The following ICAM1 variants were observed in gnomAD, a reference collection of about 807,000 sequenced individuals.
The protein encoded by ICAM1 is ICAM-1.
A neutral mutation model predicts 42.3 loss-of-function variants in ICAM1; 28 were observed. The ratio of observed to expected loss-of-function variants is 0.66; its 90% CI spans 0.49 to 0.91. The LOEUF is 0.91. ICAM1 is among the 40% of genes least tolerant of loss of function. The pLI is 0.00. For synonymous variants in ICAM1, 304 were observed against 305.9 expected (o/e 0.99, Z 0.07); for missense variants, 637 against 688.6 (o/e 0.93, Z 0.84).
At chr19:10,273,048 A>T (rs996467326) in intron 1 of ICAM1, among the ~76,000 whole-genome samples, 1 of 151,998 alleles carries the variant, frequency 6.6e-6, no homozygotes, top group South Asian at 2.1e-4. Context: ...CTTAGGAGGG[A>T]GGAGGGCACC....
chr19:10,274,651 G>A, intron 1 of ICAM1, 114 bp from the exon 2 acceptor site: 1 of 1,212,638 alleles, frequency 8.2e-7, no homozygotes, highest in East Asian at 2.4e-5. Flanking sequence ...CACATCGAAG[G>A]CAAAGTATTG....
chr19:10,276,138 G>A (rs576409786), intron 2 of ICAM1, among the ~76,000 whole-genome samples: 244 of 151,036 alleles, frequency 1.6e-3, no homozygotes, highest in Non-Finnish European at 2.9e-3. Flanking sequence ...AATCCTAGGA[G>A]TTCGAATCCA....
rs749524458 is a variant in ICAM1, at chr19:10,285,133, T to A, written c.1445T>A (p.Val482Asp). ...CCCACAGCCCCCCGGTATGAGATTG[T>A]CATCATCACTGTGGTAGCAGCCGCA... is the stretch of plus-strand genomic sequence containing the variant. ...VNVLSPRYEI[V>D]IITVVAAAVI... is the part of the protein sequence containing the mutation. Residue 482 changes from valine to aspartate, a missense_variant, in exon 7 of 7, where the codon GTC becomes GAC. Physicochemically the swap from Val to Asp is radical, Grantham distance 152. Transcript: ENST00000264832. The A allele has an allele frequency of 1.9e-6, 3 of 1,613,928 alleles. No individual in the cohort carries two copies. In the African/African-American group the frequency reaches 4.0e-5, roughly 22 times the overall value.
Position 10,274,894 on chromosome 19 carries a change from A to C in ICAM1, c.197A>C (p.Lys66Thr). The C allele has an allele frequency of 6.2e-7, 1 of 1,614,228 alleles. No individual in the cohort carries two copies. The highest frequency in any genetic ancestry group is 8.5e-7 in the Non-Finnish European group (1 of 1,180,038). ...KLLGIETPLP[K>T]KELLLPGNNR... Reference sequence around the variant, plus strand: ...TTGGGCATAGAGACCCCGTTGCCTAAAAAGGAGTTGCTCCTGCCTGGGAAC... The same window carrying C: ...TTGGGCATAGAGACCCCGTTGCCTACAAAGGAGTTGCTCCTGCCTGGGAAC... Residue 66 changes from lysine to threonine, a missense_variant, in exon 2 of 7, where the codon AAA becomes ACA. By Grantham distance (78) the Lys-to-Thr change is moderately conservative. Transcript: ENST00000264832.
chr19:10,281,900 C>T (rs1327598022), intron 2 of ICAM1, among the ~76,000 whole-genome samples: 4 of 151,962 alleles, frequency 2.6e-5, no homozygotes, highest in Admixed American at 2.6e-4. Context: ...AACACCACGC[C>T]TGGCTAATTT....
intron 2 of ICAM1, 37 bp downstream of exon 2, chr19:10,275,065 C>G (rs200796350): frequency 1.4e-4 from 218 of 1,603,532 alleles, no homozygotes; most frequent in Non-Finnish European, 1.7e-4. Flanking sequence ...ACTAGGCAGA[C>G]CCGGTGGGAG....
chr19:10,280,329 ATATATT>A lies in ICAM1; in HGVS notation c.332-3150_332-3145del, dbSNP rs955099507. 3.9e-5 allele frequency among the ~76,000 whole-genome samples: 6 copies of A among 152,022 alleles called. No homozygotes were observed. The East Asian group carries it at 1.2e-3, about 29-fold the overall frequency. On this transcript the variant is annotated intron_variant, in intron 2 of 6. Transcript: ENST00000264832. ...TCAGAGTTTTCTTGACTATATATAT[ATATATT>A]TTTTTGTTTTTGTTTTTAACAGCTT...
At position 10,283,755 on chromosome 19, in the gene ICAM1, CA is replaced by C; in HGVS notation, c.607del (p.Thr203ProfsTer25). The C allele has an allele frequency of 6.2e-7, 1 of 1,610,818 alleles. No individual in the cohort carries two copies. The highest frequency in any genetic ancestry group is 8.5e-7 in the Non-Finnish European group (1 of 1,178,364). ...CCCAAGGGCTGGAGCTGTTTGAGAACACCTCGGCCCCCTACCAGCTCCAGAC... is the reference window on the plus strand; with the variant it reads ...CCCAAGGGCTGGAGCTGTTTGAGAACCCTCGGCCCCCTACCAGCTCCAGAC... ...RPQGLELFEN[T>X]SAPYQLQTFV... On this transcript the variant is annotated frameshift_variant, in exon 3 of 7. Transcript: ENST00000264832. LOFTEE classifies it high-confidence loss of function.
At chr19:10,277,054 T>A (rs2040022599) in intron 2 of ICAM1, among the ~76,000 whole-genome samples, 1 of 152,022 alleles carries the variant, frequency 6.6e-6, no homozygotes, top group South Asian at 2.1e-4. Flanking sequence ...GAAGGGCAGT[T>A]TCGGGGAGGC....
chr19:10,285,005 G>T lies in ICAM1; in HGVS notation c.1403G>T (p.Arg468Leu), dbSNP rs200230807. ...RARSTQGEVTRKVTVNVLSPR... is the reference protein window; with the variant it reads ...RARSTQGEVTLKVTVNVLSPR... ...AGGAGCACTCAAGGGGAGGTCACCC[G>T]CAAGGTGACCGTGAATGTGCTCTGT... Residue 468 changes from arginine (R) to leucine (L), a missense_variant, in exon 6 of 7, where the codon CGC (arginine) becomes CTC (leucine). Transcript: ENST00000264832. The T allele has an allele frequency of 2.0e-4, 315 of 1,613,634 alleles. 5 individuals are homozygous for T. The South Asian group carries it at 3.3e-3, about 17-fold the overall frequency.
Position 10,285,100 on chromosome 19 carries a change from G to T in ICAM1, c.1427-15G>T. 1.9e-6 allele frequency: 3 copies of T among 1,613,954 alleles called. No homozygotes were observed. The highest frequency in any genetic ancestry group is 2.5e-6 in the Non-Finnish European group (3 of 1,179,984). On this transcript the variant is annotated splice_polypyrimidine_tract_variant and intron_variant, in intron 6 of 6. Coordinates refer to ENST00000264832, the MANE Select transcript of ICAM1 (RefSeq NM_000201.3). ...CCTAATGCAATCCTCACCGCCTGTT[G>T]TATCCTCCCCACAGCCCCCCGGTAT... is the stretch of plus-strand genomic sequence containing the variant.
In ICAM1 at chr19:10,284,175, C is replaced by A; in HGVS notation, c.780C>A (p.Asn260Lys). 1 of 1,614,072 alleles carries A rather than the reference C, an allele frequency of 6.2e-7. No homozygotes were observed. The highest frequency in any genetic ancestry group is 8.5e-7 in the Non-Finnish European group (1 of 1,180,030). ...VHLALGDQRL[N>K]PTVTYGNDSF... ...TGGCACTGGGGGACCAGAGGTTGAA[C>A]CCCACAGTCACCTATGGCAACGACT... Residue 260 changes from asparagine (N) to lysine (K), a missense_variant, in exon 4 of 7, where the codon AAC (asparagine) becomes AAA (lysine). By Grantham distance (94) the Asn-to-Lys change is moderately conservative (BLOSUM62 0). Coordinates refer to ENST00000264832, the MANE Select transcript of ICAM1 (RefSeq NM_000201.3). This position sits in a 1 kb window ranked among gnomAD's most constrained non-coding sequence, Gnocchi z 5.4.
At chr19:10,279,857 A>T (rs2040043016) in intron 2 of ICAM1, among the ~76,000 whole-genome samples, 1 of 121,360 alleles carries the variant, frequency 8.2e-6, no homozygotes, top group Admixed American at 8.6e-5. Flanking sequence ...AGAGAGAGAC[A>T]CTGCCCCTAA....
chr19:10,278,901 C>T (rs2040036228), intron 2 of ICAM1, among the ~76,000 whole-genome samples: 1 of 151,960 alleles, frequency 6.6e-6, no homozygotes, highest in African/African-American at 2.4e-5. Context: ...CCACATTTCT[C>T]CCTCTATGAC....
chr19:10,275,141 G>C, intron 2 of ICAM1, 113 bp downstream of exon 2: 2 of 1,103,588 alleles, frequency 1.8e-6, no homozygotes, highest in African/African-American at 1.6e-5. Flanking sequence ...GGTCAAGGAG[G>C]GGCTCCTTGC....
rs559659609 is a variant in ICAM1, at chr19:10,275,746, C to T, written c.331+718C>T. 2.1e-4 allele frequency among the ~76,000 whole-genome samples: 28 copies of T among 136,480 alleles called. No homozygotes were observed. The East Asian group carries it at 5.9e-3, about 29-fold the overall frequency. 89.5% of individuals were successfully genotyped at this position (136,480 alleles called of 152,430 possible). ...TTTTTGAGACGGAGTCTCACTCTGT[C>T]GCCCAGGCTGGAGTGCAGTGGTGTG... On this transcript the variant is annotated intron_variant, in intron 2 of 6. Transcript: ENST00000264832.
Position 10,284,001 on chromosome 19 carries a change from C to G in ICAM1, c.638-32C>G, listed in dbSNP as rs779883037. ...AGAGAAGGGCTTCGGGACGTCCATC[C>G]CTGTCTGCTCACACCTTTCTTCTCT... On this transcript the variant is annotated intron_variant, in intron 3 of 6. Transcript: ENST00000264832. This position sits in a 1 kb window ranked among gnomAD's most constrained non-coding sequence, Gnocchi z 5.4. 1 of 1,596,998 alleles carries G rather than the reference C, an allele frequency of 6.3e-7. No individual in the cohort carries two copies. The highest frequency in any genetic ancestry group is 1.7e-5 in the Admixed American group (1 of 58,584).
In ICAM1 at chr19:10,285,384, C is replaced by T. The variant is rs746254037; in HGVS notation, c.*97C>T. On this transcript the variant is annotated 3_prime_UTR_variant, in exon 7 of 7. Coordinates refer to ENST00000264832, the MANE Select transcript of ICAM1 (RefSeq NM_000201.3). ...GGAAGACATATGCCATGCAGCTACA[C>T]CTACCGGCCCTGGGACGCCGGAGGA... 8.3e-7 allele frequency: 1 copy of T among 1,211,140 alleles called. No homozygotes were observed. Among genetic ancestry groups the T allele is most frequent in the Non-Finnish European group, 1.2e-6 (1 of 861,646 alleles). 75.0% of individuals were successfully genotyped at this position (1,211,140 alleles called of 1,614,324 possible).
intron 2 of ICAM1, among the ~76,000 whole-genome samples, chr19:10,275,499 A>G (rs1209638102): frequency 6.7e-6 from 1 of 149,766 alleles, no homozygotes; most frequent in Non-Finnish European, 1.5e-5. Context: ...CCATCTCAAG[A>G]AAAAAAAAAT....
Sources: allele counts gnomAD v4.1 joint callset (sites outside exome capture counted in the v4.1 genomes callset), GRCh38; gene constraint gnomAD v4.1.1; non-coding constraint Gnocchi (gnomAD v3.1); transcripts MANE v1.5; gene names NCBI Gene and HGNC (gene_info 2026-07-23, HGNC 2026-07-21).